TIAM1: variants seen among roughly 807,000 people sequenced by gnomAD.
TIAM1 encodes the protein rho guanine nucleotide exchange factor TIAM1.
Under a neutral mutation model 163.5 loss-of-function variants are expected in TIAM1, and 65 were observed. That is an observed-to-expected ratio of 0.40 (90% CI 0.33 to 0.49). TIAM1 has a LOEUF of 0.49. Ranked by LOEUF, TIAM1 falls within the 20% of genes least tolerant of loss-of-function variation. The pLI, the probability that TIAM1 is intolerant of heterozygous loss-of-function variation, is 0.77. For synonymous variants in TIAM1, 833 were observed against 810.1 expected, an observed-to-expected ratio of 1.03 and a Z score of -0.48; for missense variants, 1,789 against 2,044.7, an observed-to-expected ratio of 0.87 and a Z score of 2.41.
Position 31,210,108 on chromosome 21 carries a change from C to T in TIAM1, c.2325G>A (p.Gln775=), listed in dbSNP as rs2086647175. 2.5e-6 allele frequency: 4 copies of T among 1,614,020 alleles called. No homozygotes were observed. Among genetic ancestry groups the T allele is most frequent in the Non-Finnish European group, 3.4e-6 (4 of 1,180,038 alleles). The change falls in exon 11 of 28, where the codon CAG becomes CAA. Residue 775 remains glutamine, a synonymous_variant. Transcript: ENST00000541036. ...CTGGCCGGACGACCGTCAGGGCAGG[C>T]TGATTATTGGGCAGACAGAACCAGG... ...TPSWFCLPNN[Q]PALTVVRPGD...
chr21:31,146,015 A>G (rs1300112640), intron 20 of TIAM1, among the ~76,000 whole-genome samples: 1 of 152,186 alleles, frequency 6.6e-6, no homozygotes, highest in African/African-American at 2.4e-5. Context: ...GGTAGGTTAT[A>G]ATCGAAATTA....
chr21:31,434,139 GA>G (rs113976495), intron 2 of TIAM1, among the ~76,000 whole-genome samples: 3 of 149,672 alleles, frequency 2.0e-5, no homozygotes, highest in Non-Finnish European at 3.0e-5. Context: ...TATTTTTAAA[GA>G]AAAAAAAAGG....
chr21:31,266,476 T>C lies in TIAM1; in HGVS notation c.497A>G (p.Lys166Arg), dbSNP rs768543728. The C allele has an allele frequency of 1.1e-5, 17 of 1,614,118 alleles. 2 individuals are homozygous for C. In the South Asian group the frequency reaches 1.9e-4, roughly 18 times the overall value. Reference sequence around the variant, plus strand: ...GTCTGCAGATTTGGAGCGTTTCTTCTTAAAGCTCGCCGTCTCCATGAAAGT... The same window carrying C: ...GTCTGCAGATTTGGAGCGTTTCTTCCTAAAGCTCGCCGTCTCCATGAAAGT... Reference protein sequence around the residue: ...GPTFMETASFKKKRSKSADIW... With the variant: ...GPTFMETASFRKKRSKSADIW... Residue 166 changes from lysine to arginine, a missense_variant, in exon 4 of 28, where the codon AAG becomes AGG. Physicochemically the swap from Lys to Arg is conservative, Grantham distance 26 (BLOSUM62 2). This residue lies in a region of TIAM1 where 555 missense variants were observed against 564.9 expected (regional missense o/e 0.98). Coordinates refer to ENST00000541036, the MANE Select transcript of TIAM1 (RefSeq NM_001353694.2).
At chr21:31,398,803 T>C (rs1405344850) in intron 2 of TIAM1, among the ~76,000 whole-genome samples, 1 of 152,266 alleles carries the variant, frequency 6.6e-6, no homozygotes, top group African/African-American at 2.4e-5. Context: ...TCACTTATCT[T>C]GTGAAACTGA....
chr21:31,355,698 C>T (rs1037894706), intron 2 of TIAM1, among the ~76,000 whole-genome samples: 1 of 151,974 alleles, frequency 6.6e-6, no homozygotes, highest in African/African-American at 2.4e-5. Flanking sequence ...ACTACAGGCG[C>T]GTGCCACCAC....
intron 2 of TIAM1, among the ~76,000 whole-genome samples, chr21:31,419,462 C>T (rs1046912327): frequency 2.0e-5 from 3 of 152,166 alleles, no homozygotes; most frequent in Admixed American, 6.5e-5. Context: ...CTTGATCCTT[C>T]GGAGATACAA....
chr21:31,396,808 G>C (rs150908718), intron 2 of TIAM1, among the ~76,000 whole-genome samples: 1 of 151,630 alleles, frequency 6.6e-6, no homozygotes, highest in African/African-American at 2.4e-5. Flanking sequence ...AAAATTAGCC[G>C]GGCCTGGTAG....
upstream of TIAM1, among the ~76,000 whole-genome samples, chr21:31,348,783 G>A (rs983703636): frequency 6.6e-6 from 1 of 152,122 alleles, no homozygotes; most frequent in African/African-American, 2.4e-5. Flanking sequence ...GACAAACAAG[G>A]TTCACCTTTC....
At chr21:31,207,392 G>A (rs1438510629) in intron 11 of TIAM1, among the ~76,000 whole-genome samples, 2 of 152,090 alleles carry the variant, frequency 1.3e-5, no homozygotes, top group East Asian at 3.9e-4. Context: ...AGAAGAAACA[G>A]ATTGATTATT....
intron 1 of TIAM1, among the ~76,000 whole-genome samples, chr21:31,555,374 T>C (rs1036796712): frequency 6.6e-6 from 1 of 152,120 alleles, no homozygotes; most frequent in Non-Finnish European, 1.5e-5. Context: ...CTTCTACCTG[T>C]TTGCTTAATT....
intron 23 of TIAM1, among the ~76,000 whole-genome samples, chr21:31,132,846 C>CA (rs2082467921): frequency 6.6e-6 from 1 of 152,152 alleles, no homozygotes; most frequent in African/African-American, 2.4e-5. Flanking sequence ...CTCTGTGCCC[C>CA]AAAACGTGAA....
chr21:31,305,431 A>T (rs1254668631), intron 2 of TIAM1, among the ~76,000 whole-genome samples: 1 of 152,076 alleles, frequency 6.6e-6, no homozygotes, highest in Non-Finnish European at 1.5e-5. Flanking sequence ...ATAAAAAAAA[A>T]AAAAAAACAG....
At chr21:31,342,873 G>A (rs1018081644) in intron 1 of TIAM1, among the ~76,000 whole-genome samples, 3 of 152,164 alleles carry the variant, frequency 2.0e-5, no homozygotes, top group Non-Finnish European at 1.5e-5. Context: ...GTCAGAGCAA[G>A]CTAAGCAAAC....
In TIAM1 at chr21:31,167,982, G is replaced by A. The variant is rs141834164; in HGVS notation, c.2888-2917C>T. Among the ~76,000 whole-genome samples, 645 of 152,048 alleles carry A rather than the reference G, an allele frequency of 4.2e-3. 5 individuals are homozygous for A. Among genetic ancestry groups the A allele is most frequent in the African/African-American group, 0.015 (625 of 41,494 alleles). The stretch of plus-strand genomic sequence containing the variant: ...GTCTAAAAAGACATAGACTAAAAGA[G>A]AAAAGTGCTCACTGGCAAAAGAAAA... On this transcript the variant is annotated intron_variant, in intron 15 of 27. Transcript: ENST00000541036.
At chr21:31,321,615 T>G (rs1042651206) in intron 2 of TIAM1, among the ~76,000 whole-genome samples, 1 of 151,798 alleles carries the variant, frequency 6.6e-6, no homozygotes, top group Non-Finnish European at 1.5e-5. Flanking sequence ...CCTCCCAAAG[T>G]GTTGGGATTA....
intron 8 of TIAM1, among the ~76,000 whole-genome samples, chr21:31,219,405 C>T (rs1488144029): frequency 6.6e-6 from 1 of 152,186 alleles, no homozygotes. Context: ...TTGGAACCTA[C>T]TTGTAGATTC....
At chr21:31,211,909 A>G (rs1303414825) in intron 10 of TIAM1, among the ~76,000 whole-genome samples, 3 of 152,246 alleles carry the variant, frequency 2.0e-5, no homozygotes, top group Non-Finnish European at 2.9e-5. Flanking sequence ...CAGAAATCCA[A>G]TGGAAAAACT....
chr21:31,251,758 G>C lies in TIAM1; in HGVS notation c.1395C>G (p.Tyr465Ter). The change falls in exon 5 of 28, where the codon TAC becomes TAG. Residue 465 changes from tyrosine to a stop codon, truncating the protein, a stop_gained. Coordinates refer to ENST00000541036, the MANE Select transcript of TIAM1 (RefSeq NM_001353694.2). LOFTEE classifies it high-confidence loss of function. ...CGCTCTCACCTTTCAGGGACACCCA[G>C]TAGTGCTTCCACTTCCTCCGGGTGG... is the stretch of plus-strand genomic sequence containing the variant. ...ESATRRKWKHYWVSLKGCTLF... is the reference protein window; with the variant it reads ...ESATRRKWKH The C allele has an allele frequency of 6.3e-7, 1 of 1,598,024 alleles. No homozygotes were observed. Among genetic ancestry groups the C allele is most frequent in the Non-Finnish European group, 8.5e-7 (1 of 1,170,040 alleles).
intron 2 of TIAM1, among the ~76,000 whole-genome samples, chr21:31,378,822 C>T (rs2076731063): frequency 1.3e-5 from 2 of 152,246 alleles, no homozygotes; most frequent in South Asian, 4.1e-4. Context: ...GCTTGTTTTG[C>T]TTGTCACTAT....
Sources: gnomAD v4.1 joint callset for allele counts (sites outside exome capture counted in the v4.1 genomes callset) on GRCh38, gnomAD v4.1.1 for gene constraint, gnomAD v4.1.1 regional missense constraint, MANE v1.5 for transcripts, NCBI Gene and HGNC (gene_info 2026-07-23, HGNC 2026-07-21) for gene names.